The following CNRIP1 variants were observed in gnomAD, a reference collection of about 807,000 sequenced individuals.
CNRIP1 encodes the protein cannabinoid receptor interacting protein 1.
In CNRIP1, 10 loss-of-function variants were observed where a neutral mutation model predicts 15.2. The observed-to-expected ratio is 0.66, with a 90% confidence interval of 0.41 to 1.12. The LOEUF is 1.12. CNRIP1 is among the 50% of genes most tolerant of loss of function. The pLI is 0.00. For synonymous variants in CNRIP1, 91 were observed against 83.2 expected (o/e 1.09, Z -0.51); for missense variants, 211 against 214.7 (o/e 0.98, Z 0.11).
intron 2 of CNRIP1, among the ~76,000 whole-genome samples, chr2:68,304,083 C>CAAAAAAAAACAAACA: frequency 6.7e-6 from 1 of 149,520 alleles, no homozygotes; most frequent in South Asian, 2.1e-4. Flanking sequence ...TAAAAACAAA[C>CAAAAAAAAACAAACA]AAAAAAAACA....
At chr2:68,285,949 A>G (rs1671022415) in intron 2 of CNRIP1, among the ~76,000 whole-genome samples, 1 of 152,176 alleles carries the variant, frequency 6.6e-6, no homozygotes, top group Non-Finnish European at 1.5e-5. Context: ...TGCTATAGAA[A>G]AGTTAAAGAT....
At chr2:68,292,981 T>G, downstream of CNRIP1, 3 of 980,832 alleles carry the variant, frequency 3.1e-6, no homozygotes, top group Non-Finnish European at 2.4e-6. Flanking sequence ...AGATAATTAT[T>G]GCCCAAATTA....
downstream of CNRIP1, among the ~76,000 whole-genome samples, chr2:68,291,538 G>A (rs1243867029): frequency 1.3e-5 from 2 of 151,678 alleles, no homozygotes; most frequent in East Asian, 1.9e-4. Context: ...CTCCAAGTCT[G>A]CTTTGACTCA....
rs138478895 is a variant in CNRIP1 at position 68,293,923 on chromosome 2, T to C, written c.434A>G (p.Tyr145Cys). The C allele has an allele frequency of 1.1e-5, 17 of 1,614,016 alleles. No individual in the cohort carries two copies. Among genetic ancestry groups the C allele is most frequent in the African/African-American group, 2.7e-5 (2 of 74,912 alleles). Residue 145 changes from tyrosine (Y) to cysteine (C), a missense_variant, in exon 3 of 3, where the codon TAT (tyrosine) becomes TGT (cysteine). Transcript: ENST00000263655. ...QWGSPFSVIE[Y>C]ECKPNETRSL... ...GCGTGTCTCGTTGGGCTTGCATTCA[T>C]ACTCAATGACAGAGAAGGGGCTTCC...
At chr2:68,316,799 C>T in intron 2 of CNRIP1, 1 of 506,890 alleles carries the variant, frequency 2.0e-6, no homozygotes, top group Non-Finnish European at 3.5e-6. Flanking sequence ...AATCAGCTTT[C>T]TCTTAACCAG....
intron 2 of CNRIP1, chr2:68,315,832 A>G (rs1672248222): frequency 6.6e-6 from 1 of 152,006 alleles, no homozygotes; most frequent in African/African-American, 2.4e-5. Context: ...TGGTATCACC[A>G]CACCCGGTTA....
In CNRIP1 at chr2:68,305,244, CAA is replaced by C. The variant is rs60243249; in HGVS notation, c.331-11220_331-11219del. Among the ~76,000 whole-genome samples, 529 of 91,570 alleles carry C rather than the reference CAA, an allele frequency of 5.8e-3. 5 individuals are homozygous for C. The highest frequency in any genetic ancestry group is 0.015 in the African/African-American group (391 of 25,614). The allele number at this position is 91,570 out of a possible 152,430, so 60.1% of individuals were successfully genotyped here. A position where few individuals can be genotyped will look rare whatever the true frequency, so the allele number is the denominator to read the frequency against. On this transcript the variant is annotated intron_variant, in intron 2 of 2. Transcript: ENST00000263655. ...GGGCAACAAGAGTGAAACTCCGTCT[CAA>C]AAAAAAAAAAAAAATATATATATAT...
rs1364105739 is a variant in CNRIP1 at position 68,319,677 on chromosome 2, TG to T, written c.-278del. 11 of 403,812 alleles carry T rather than the reference TG, an allele frequency of 2.7e-5. No individual in the cohort carries two copies. The highest frequency in any genetic ancestry group is 4.9e-5 in the Non-Finnish European group (11 of 224,246). 25.0% of individuals were successfully genotyped at this position (403,812 alleles called of 1,614,324 possible). A position where few individuals can be genotyped will look rare whatever the true frequency, so the allele number is the denominator to read the frequency against. On this transcript the variant is annotated 5_prime_UTR_variant, in exon 1 of 3. Transcript: ENST00000263655. ...GCTTCCCCATCCCCCGCTCCAGTGC[TG>T]CGCCCTCCACGCACCCGAAGGCTCG...
rs1186044037 is a variant in CNRIP1, at chr2:68,293,275, CAT to C, written c.*585_*586del. Reference sequence around the variant, plus strand: ...AGTTTTAATACGTTATAAATACGTACATATTTGTCCTTCTAGTTTGTTACCAT... The same window carrying C: ...AGTTTTAATACGTTATAAATACGTACATTTGTCCTTCTAGTTTGTTACCAT... On this transcript the variant is annotated 3_prime_UTR_variant, in exon 3 of 3. Coordinates refer to ENST00000263655, the MANE Select transcript of CNRIP1 (RefSeq NM_015463.3). The C allele has an allele frequency of 1.5e-5, 15 of 985,894 alleles. No individual in the cohort carries two copies. The highest frequency in any genetic ancestry group is 1.8e-5 in the Non-Finnish European group (15 of 830,234). The allele number at this position is 985,894 out of a possible 1,614,324, so 61.1% of individuals were successfully genotyped here. A position where few individuals can be genotyped will look rare whatever the true frequency, so the allele number is the denominator to read the frequency against.
chr2:68,305,808 A>AAAC (rs1553415560), intron 2 of CNRIP1, among the ~76,000 whole-genome samples: 1 of 144,052 alleles, frequency 6.9e-6, no homozygotes, highest in South Asian at 2.3e-4. Flanking sequence ...AAAAAAAAAA[A>AAAC]ACACACACAC....
At chr2:68,312,733 T>A (rs1672139527) in intron 2 of CNRIP1, among the ~76,000 whole-genome samples, 1 of 152,148 alleles carries the variant, frequency 6.6e-6, no homozygotes, top group Non-Finnish European at 1.5e-5. Flanking sequence ...TTAGGATTAG[T>A]GAGATTAGCT....
intron 2 of CNRIP1, among the ~76,000 whole-genome samples, chr2:68,307,275 T>C (rs545864313): frequency 1.7e-3 from 259 of 152,332 alleles, no homozygotes; most frequent in African/African-American, 5.9e-3. Context: ...GCTACAATTT[T>C]GTCAAAATGT....
chr2:68,294,121 G>A, intron 2 of CNRIP1, 95 bp from the exon 3 acceptor site: 1 of 1,309,778 alleles, frequency 7.6e-7, no homozygotes. Context: ...GGATAATCAA[G>A]CAGACCCAGT....
Position 68,319,722 on chromosome 2 carries a change from C to G in CNRIP1, c.-322G>C. Reference sequence around the variant, plus strand: ...AGGCTCGCTCTGGCCCGCAGGCCGCCGCGCAGATCCGCGCAGCTGGGGGCG... The same window carrying G: ...AGGCTCGCTCTGGCCCGCAGGCCGCGGCGCAGATCCGCGCAGCTGGGGGCG... On this transcript the variant is annotated 5_prime_UTR_variant, in exon 1 of 3. Coordinates refer to ENST00000263655, the MANE Select transcript of CNRIP1 (RefSeq NM_015463.3). 1 of 301,142 alleles carries G rather than the reference C, an allele frequency of 3.3e-6. No individual in the cohort carries two copies. The highest frequency in any genetic ancestry group is 6.2e-6 in the Non-Finnish European group (1 of 160,100). 18.7% of individuals were successfully genotyped at this position (301,142 alleles called of 1,614,324 possible).
intron 2 of CNRIP1, among the ~76,000 whole-genome samples, chr2:68,313,668 T>C (rs1024591557): frequency 1.7e-4 from 26 of 152,252 alleles, no homozygotes; most frequent in South Asian, 1.2e-3. Context: ...CTGCAAATAA[T>C]TTTCAGGGTA....
rs754442561 is a variant in CNRIP1, at chr2:68,294,077, A to G, written c.331-51T>C. 3.2e-6 allele frequency: 5 copies of G among 1,574,880 alleles called. No individual in the cohort carries two copies. In the East Asian group the frequency reaches 1.1e-4, roughly 35 times the overall value. On this transcript the variant is annotated intron_variant, in intron 2 of 2. Transcript: ENST00000263655. ...AAAAAACCTCATTCTGCCACGAGCA[A>G]TAGATGAGAGCTAACATTAGTGATG... is the stretch of plus-strand genomic sequence containing the variant.
chr2:68,305,954 C>T (rs1215262897), intron 2 of CNRIP1, among the ~76,000 whole-genome samples: 7 of 151,112 alleles, frequency 4.6e-5, no homozygotes, highest in African/African-American at 1.5e-4. Flanking sequence ...CATAGCAAGA[C>T]CTTGTCTCTA....
intron 2 of CNRIP1, among the ~76,000 whole-genome samples, chr2:68,313,964 C>T (rs1204479102): frequency 3.3e-5 from 5 of 152,118 alleles, no homozygotes; most frequent in Non-Finnish European, 7.4e-5. Context: ...ACGCTGTCTC[C>T]AGCTCTTGAC....
chr2:68,313,295 T>A (rs1489715099), intron 2 of CNRIP1, among the ~76,000 whole-genome samples: 2 of 152,126 alleles, frequency 1.3e-5, no homozygotes, highest in Non-Finnish European at 2.9e-5. Flanking sequence ...GATAAACACA[T>A]ACTTACCATG....
Sources: gnomAD v4.1 joint callset for allele counts (sites outside exome capture counted in the v4.1 genomes callset) on GRCh38, gnomAD v4.1.1 for gene constraint, MANE v1.5 for transcripts, NCBI Gene and HGNC (gene_info 2026-07-23, HGNC 2026-07-21) for gene names.